The following PCDHAC2 variants were observed in gnomAD, a reference collection of about 807,000 sequenced individuals.
PCDHAC2 encodes the protein protocadherin alpha-C2.
A neutral mutation model predicts 63.3 loss-of-function variants in PCDHAC2; 24 were observed. The observed-to-expected ratio is 0.38, with a 90% CI of 0.27 to 0.53. PCDHAC2 has a LOEUF of 0.53. Ranked by LOEUF, PCDHAC2 falls within the 20% of genes least tolerant of loss-of-function variation. The pLI, the probability that PCDHAC2 is intolerant of heterozygous loss-of-function variation, is 0.81. For missense variants in PCDHAC2, 1,181 were observed against 1,275.2 expected, an observed-to-expected ratio of 0.93 and a Z score of 1.12; for synonymous variants, 569 against 529.4, an observed-to-expected ratio of 1.07 and a Z score of -1.03.
At chr5:140,975,307 A>G (rs1190412792) in intron 1 of PCDHAC2, among the ~76,000 whole-genome samples, 1 of 152,162 alleles carries the variant, frequency 6.6e-6, no homozygotes, top group Non-Finnish European at 1.5e-5. Context: ...AGCTCATGTG[A>G]TTATGTCAGT....
intron 2 of PCDHAC2, among the ~76,000 whole-genome samples, chr5:140,979,246 C>A (rs944063929): frequency 2.0e-5 from 3 of 152,206 alleles, no homozygotes; most frequent in African/African-American, 7.2e-5. Context: ...AAACAGGCTG[C>A]TATGTATTTT....
In PCDHAC2 at chr5:140,968,804, G is replaced by T. The variant is rs147800392; in HGVS notation, c.2038G>T (p.Val680Leu). ...AGCCTCTGTGGCCATTACAGTAGCT[G>T]TGGTGGATAGGGTTTCCAAAATCCT... Reference protein sequence around the residue: ...LSASVAITVAVVDRVSKILPD... With the variant: ...LSASVAITVALVDRVSKILPD... Residue 680 changes from valine (V) to leucine (L), a missense_variant, in exon 1 of 4, where the codon GTG becomes TTG. Transcript: ENST00000289269. 703 of 1,614,106 alleles carry T rather than the reference G, an allele frequency of 4.4e-4. No homozygotes were observed. The highest frequency in any genetic ancestry group is 5.7e-4 in the Non-Finnish European group (677 of 1,180,052).
rs149656802 is a variant in PCDHAC2, at chr5:141,008,452, C to T, written c.2714-1175C>T. ...TTTGCCCAGACAGACCATTACCCTTCCTCTCCAGCTCTGACTTCTACTCTT... is the reference window on the plus strand; with the variant it reads ...TTTGCCCAGACAGACCATTACCCTTTCTCTCCAGCTCTGACTTCTACTCTT... On this transcript the variant is annotated intron_variant, in intron 3 of 3. Coordinates refer to ENST00000289269, the MANE Select transcript of PCDHAC2 (RefSeq NM_018899.6). Among the ~76,000 whole-genome samples, 286 of 152,284 alleles carry T rather than the reference C, an allele frequency of 1.9e-3. 2 individuals carry two copies. Among genetic ancestry groups the T allele is most frequent in the African/African-American group, 6.5e-3 (272 of 41,548 alleles).
Position 140,966,953 on chromosome 5 carries a change from C to A in PCDHAC2, c.187C>A (p.Arg63Ser). 1 of 1,603,802 alleles carries A rather than the reference C, an allele frequency of 6.2e-7. No homozygotes were observed. ...CGGCGCGCTCGTGGGCAACGTGGCTCGCGCGCTGGGGCTTGAGCTGCGGCG... is the reference window on the plus strand; with the variant it reads ...CGGCGCGCTCGTGGGCAACGTGGCTAGCGCGCTGGGGCTTGAGCTGCGGCG... Reference protein sequence around the residue: ...APGALVGNVARALGLELRRLG... With the variant: ...APGALVGNVASALGLELRRLG... Residue 63 changes from arginine (R) to serine (S), a missense_variant, in exon 1 of 4, where the codon CGC becomes AGC. Physicochemically the swap from Arg to Ser is moderately radical, Grantham distance 110. Around this residue, in one of 3 missense-constraint regions of PCDHAC2, gnomAD observed 210 missense variants for 184.9 expected, o/e 1.14. Coordinates refer to ENST00000289269, the MANE Select transcript of PCDHAC2 (RefSeq NM_018899.6).
chr5:141,001,286 A>G (rs1375093882), intron 3 of PCDHAC2, among the ~76,000 whole-genome samples: 1 of 152,160 alleles, frequency 6.6e-6, no homozygotes, highest in Non-Finnish European at 1.5e-5. Context: ...TACGGATGAA[A>G]ACTGAGGCCC....
At chr5:141,005,650 C>T (rs1262025643) in intron 3 of PCDHAC2, among the ~76,000 whole-genome samples, 4 of 126,784 alleles carry the variant, frequency 3.2e-5, no homozygotes, top group African/African-American at 9.3e-5. Context: ...TGCAGTGAGT[C>T]GAGATCGCGC....
At chr5:140,987,429 G>A (rs1402576200) in intron 3 of PCDHAC2, among the ~76,000 whole-genome samples, 1 of 152,096 alleles carries the variant, frequency 6.6e-6, no homozygotes, top group Non-Finnish European at 1.5e-5. Context: ...GAAGCAGGGG[G>A]CCTTTCCCCA....
At chr5:141,001,624 CG>C (rs1335079944) in intron 3 of PCDHAC2, among the ~76,000 whole-genome samples, 1 of 151,678 alleles carries the variant, frequency 6.6e-6, no homozygotes, top group African/African-American at 2.4e-5. Context: ...AAAGGACTGG[CG>C]GGGGTTGGGG....
chr5:141,003,560 G>T (rs1011065385), intron 3 of PCDHAC2, among the ~76,000 whole-genome samples: 1 of 152,062 alleles, frequency 6.6e-6, no homozygotes, highest in Non-Finnish European at 1.5e-5. Context: ...TGATCCACCT[G>T]CCTCAGACTC....
chr5:141,005,256 A>C (rs1307850409), intron 3 of PCDHAC2, among the ~76,000 whole-genome samples: 1 of 152,212 alleles, frequency 6.6e-6, no homozygotes, highest in East Asian at 1.9e-4. Flanking sequence ...TGTGCTAGGC[A>C]CTGGTGATAC....
At chr5:140,999,345 C>A (rs2097854633) in intron 3 of PCDHAC2, among the ~76,000 whole-genome samples, 1 of 152,178 alleles carries the variant, frequency 6.6e-6, no homozygotes, top group Non-Finnish European at 1.5e-5. Flanking sequence ...TAAGCCTTGT[C>A]TCTTTTTAAT....
rs148181752 is a variant in PCDHAC2, at chr5:140,966,860, TTGC to T, written c.105_107del (p.Leu36del). On this transcript the variant is annotated inframe_deletion, in exon 1 of 4. Coordinates refer to ENST00000289269, the MANE Select transcript of PCDHAC2 (RefSeq NM_018899.6). ...GCTGCTACTGCCTCTCCTGCTGCTG[TTGC>T]TGCTGCTGCTACCTGGCCCTGCGGC... 1.9e-5 allele frequency: 30 copies of T among 1,577,282 alleles called. No homozygotes were observed. Among genetic ancestry groups the T allele is most frequent in the Middle Eastern group, 1.7e-4 (1 of 5,934 alleles).
chr5:140,966,848 C>G lies in PCDHAC2; in HGVS notation c.82C>G (p.Leu28Val). Reference protein sequence around the residue: ...RPMPWLLLLPLLLLLLLLLPG... With the variant: ...RPMPWLLLLPVLLLLLLLLPG... The stretch of plus-strand genomic sequence containing the variant: ...CATGCCCTGGCTGCTGCTACTGCCT[C>G]TCCTGCTGCTGTTGCTGCTGCTGCT... Residue 28 changes from leucine to valine, a missense_variant, in exon 1 of 4, where the codon CTC becomes GTC. Coordinates refer to ENST00000289269, the MANE Select transcript of PCDHAC2 (RefSeq NM_018899.6). The G allele has an allele frequency of 6.4e-7, 1 of 1,571,846 alleles. No individual in the cohort carries two copies. The highest frequency in any genetic ancestry group is 8.6e-7 in the Non-Finnish European group (1 of 1,162,584).
chr5:140,983,059 C>A (rs1325414567), intron 3 of PCDHAC2, among the ~76,000 whole-genome samples: 3 of 151,980 alleles, frequency 2.0e-5, no homozygotes, highest in Non-Finnish European at 4.4e-5. Flanking sequence ...TTATCGGAAC[C>A]AAGGCATTGT....
rs17119334 is a variant in PCDHAC2, at chr5:140,988,093, G to A, written c.2713+5530G>A. On this transcript the variant is annotated intron_variant, in intron 3 of 3. Coordinates refer to ENST00000289269, the MANE Select transcript of PCDHAC2 (RefSeq NM_018899.6). ...CTATTTCATGAGTGAGTGCAGCCTCGGGCCTTGTTGGAGAATTTAGAAAGC... is the reference window on the plus strand; with the variant it reads ...CTATTTCATGAGTGAGTGCAGCCTCAGGCCTTGTTGGAGAATTTAGAAAGC... Among the ~76,000 whole-genome samples the A allele has an allele frequency of 6.9e-3, 1,055 of 152,154 alleles. 47 individuals are homozygous for A. The East Asian group carries it at 0.14, about 21-fold the overall frequency.
intron 1 of PCDHAC2, among the ~76,000 whole-genome samples, chr5:140,970,662 C>T (rs575204326): frequency 6.6e-6 from 1 of 152,268 alleles, no homozygotes; most frequent in South Asian, 2.1e-4. Flanking sequence ...TGTTATCTTT[C>T]CAAATAACTA....
chr5:141,002,975 A>G (rs188944079), intron 3 of PCDHAC2, among the ~76,000 whole-genome samples: 1 of 152,338 alleles, frequency 6.6e-6, no homozygotes, highest in Admixed American at 6.5e-5. Context: ...TGAAAATAGT[A>G]TCCTTGGTCA....
Position 141,011,847 on chromosome 5 carries a change from T to C in PCDHAC2, c.*1910T>C, listed in dbSNP as rs745912784. 2.0e-5 allele frequency: 3 copies of C among 153,780 alleles called. No individual in the cohort carries two copies. Among genetic ancestry groups the C allele is most frequent in the Non-Finnish European group, 4.4e-5 (3 of 68,052 alleles). The allele number at this position is 153,780 out of a possible 1,614,324, so 9.5% of individuals were successfully genotyped here. ...ATTTGCTGTCACCTTAAATAAGACA[T>C]TTTAATTTTGTTATAATGTACAATT... On this transcript the variant is annotated 3_prime_UTR_variant, in exon 4 of 4. Coordinates refer to ENST00000289269, the MANE Select transcript of PCDHAC2 (RefSeq NM_018899.6).
At chr5:140,997,566 T>G (rs1366934494) in intron 3 of PCDHAC2, among the ~76,000 whole-genome samples, 1 of 152,208 alleles carries the variant, frequency 6.6e-6, no homozygotes, top group Non-Finnish European at 1.5e-5. Context: ...AACTGTCATA[T>G]GTGTGGTCCG....
Sources: allele counts gnomAD v4.1 joint callset (sites outside exome capture counted in the v4.1 genomes callset), GRCh38; gene constraint gnomAD v4.1.1; regional missense constraint gnomAD v4.1.1; transcripts MANE v1.5; gene names NCBI Gene and HGNC (gene_info 2026-07-23, HGNC 2026-07-21).